Variants in TMEM71 observed in about 807,000 individuals in gnomAD.
TMEM71 encodes the protein transmembrane protein 71.
TMEM71 carries 44 observed loss-of-function variants against 38.0 expected under a neutral mutation model. The observed-to-expected ratio is 1.16, with a 90% CI of 0.91 to 1.49. The LOEUF (loss-of-function observed/expected upper bound fraction) is 1.49, where lower values mean the gene tolerates loss of function less well. Ranked by LOEUF, TMEM71 falls within the 40% of genes most tolerant of loss-of-function variation. The pLI, the probability that TMEM71 is intolerant of heterozygous loss-of-function variation, is 0.00. For missense variants in TMEM71, 367 were observed against 348.6 expected, an observed-to-expected ratio of 1.05 and a Z score of -0.42; for synonymous variants, 133 against 122.5, an observed-to-expected ratio of 1.09 and a Z score of -0.56.
In TMEM71 at chr8:132,710,766, T is replaced by C. The variant is rs1370549567; in HGVS notation, c.*201A>G. 1.7e-6 allele frequency: 1 copy of C among 596,174 alleles called. No homozygotes were observed. Among genetic ancestry groups the C allele is most frequent in the Non-Finnish European group, 3.0e-6 (1 of 335,242 alleles). The allele number at this position is 596,174 out of a possible 1,614,324, so 36.9% of individuals were successfully genotyped here. The stretch of plus-strand genomic sequence containing the variant: ...TGTTTGCAAAGGGAAGGCAAATTAA[T>C]ATTATTTTCATGAGCATATTATAAT... On this transcript the variant is annotated 3_prime_UTR_variant, in exon 10 of 10. Coordinates refer to ENST00000677595, the MANE Select transcript of TMEM71 (RefSeq NM_001382403.1).
At chr8:132,708,552 G>T (rs184118694), downstream of TMEM71, among the ~76,000 whole-genome samples, 2 of 152,304 alleles carry the variant, frequency 1.3e-5, no homozygotes, top group African/African-American at 4.8e-5. Flanking sequence ...CCTCTGCAAG[G>T]TTGTAAAGAA....
the TMEM71 span, chr8:132,775,376 C>T: frequency 2.2e-5 from 8 of 366,040 alleles, no homozygotes; most frequent in African/African-American, 4.3e-5. Flanking sequence ...CGCCGGGGCC[C>T]GGCGTCGCGT....
chr8:132,764,041 T>C (rs1437332360), upstream of TMEM71, among the ~76,000 whole-genome samples: 6 of 152,182 alleles, frequency 3.9e-5, no homozygotes, highest in Non-Finnish European at 8.8e-5. Context: ...TCCCATTAGA[T>C]GGCAATATCT....
chr8:132,771,234 C>CA, the TMEM71 span, among the ~76,000 whole-genome samples: 1 of 152,120 alleles, frequency 6.6e-6, no homozygotes, highest in Non-Finnish European at 1.5e-5. Flanking sequence ...CTGGAACTGT[C>CA]CAGGATCCAC....
intron 5 of TMEM71, among the ~76,000 whole-genome samples, chr8:132,738,192 G>T (rs1459758404): frequency 6.6e-6 from 1 of 152,136 alleles, no homozygotes; most frequent in Non-Finnish European, 1.5e-5. Context: ...GATCAGAGAG[G>T]TTAGTTAATA....
intron 3 of TMEM71, among the ~76,000 whole-genome samples, chr8:132,752,775 A>T (rs1403441502): frequency 3.3e-5 from 5 of 151,030 alleles, no homozygotes; most frequent in African/African-American, 7.3e-5. Flanking sequence ...AGAGAGAAAA[A>T]AAAAAGGGAG....
chr8:132,730,124 A>G (rs1019601252), intron 5 of TMEM71, among the ~76,000 whole-genome samples: 1 of 152,002 alleles, frequency 6.6e-6, no homozygotes. Context: ...ATGCCCAGCT[A>G]ATTTTGTATT....
At chr8:132,775,689 GCCGGGCCGC>G in the TMEM71 span, 6 of 326,516 alleles carry the variant, frequency 1.8e-5, no homozygotes, top group Non-Finnish European at 3.3e-5. Context: ...CCTGGCCCCC[GCCGGGCCGC>G]CCGGGACGCC....
the TMEM71 span, among the ~76,000 whole-genome samples, chr8:132,767,714 A>G: frequency 6.6e-6 from 1 of 152,170 alleles, no homozygotes; most frequent in African/African-American, 2.4e-5. Flanking sequence ...TGACCTCATG[A>G]TCTGCCCGCC....
intron 6 of TMEM71, among the ~76,000 whole-genome samples, chr8:132,725,272 C>T (rs1827079967): frequency 6.6e-6 from 1 of 152,152 alleles, no homozygotes; most frequent in Admixed American, 6.5e-5. Context: ...TCAAACGATC[C>T]TGTCACCTCA....
In TMEM71 at chr8:132,747,937, A is replaced by C. The variant is rs920720702; in HGVS notation, c.315-823T>G. On this transcript the variant is annotated intron_variant, in intron 4 of 9. Coordinates refer to ENST00000677595, the MANE Select transcript of TMEM71 (RefSeq NM_001382403.1). The stretch of plus-strand genomic sequence containing the variant: ...TTAGTGATGACATAATTCGGTTTGC[A>C]TTTCCAAAATTGTTGGTAGCAGAGG... 2.6e-5 allele frequency among the ~76,000 whole-genome samples: 4 copies of C among 152,340 alleles called. No individual in the cohort carries two copies. In the South Asian group the frequency reaches 6.2e-4, roughly 24 times the overall value.
At chr8:132,724,984 A>G (rs1213789803) in intron 6 of TMEM71, among the ~76,000 whole-genome samples, 1 of 152,016 alleles carries the variant, frequency 6.6e-6, no homozygotes, top group East Asian at 1.9e-4. Flanking sequence ...GTAGGCACAG[A>G]GCCACCAGGA....
At chr8:132,728,013 A>AGG (rs766182229) in intron 5 of TMEM71, 27 bp from the exon 6 acceptor site, 1 of 1,015,870 alleles carries the variant, frequency 9.8e-7, no homozygotes, top group South Asian at 1.7e-5. Context: ...GTTCAGTGTG[A>AGG]GTGTGTGTGT....
chr8:132,744,809 A>G (rs117968726), intron 5 of TMEM71, among the ~76,000 whole-genome samples: 1,589 of 152,340 alleles, frequency 0.01, 41 homozygotes, highest in East Asian at 0.088. Context: ...CCAAAACAGC[A>G]TGGTACTGGT....
chr8:132,745,552 A>G (rs1345504742), intron 5 of TMEM71, among the ~76,000 whole-genome samples: 1 of 152,204 alleles, frequency 6.6e-6, no homozygotes, highest in Non-Finnish European at 1.5e-5. Context: ...TGCAGAGAAA[A>G]GGGAATGCTT....
At chr8:132,715,865 G>A (rs990606177) in intron 7 of TMEM71, among the ~76,000 whole-genome samples, 7 of 152,188 alleles carry the variant, frequency 4.6e-5, no homozygotes, top group African/African-American at 7.2e-5. Context: ...AAAATATTCC[G>A]TGAGAGAAAT....
intron 5 of TMEM71, among the ~76,000 whole-genome samples, chr8:132,745,304 T>C (rs567787210): frequency 6.6e-6 from 1 of 152,244 alleles, no homozygotes; most frequent in East Asian, 1.9e-4. Context: ...ATGTAGAACC[T>C]ATAAGGAGTT....
chr8:132,774,170 A>G, the TMEM71 span, among the ~76,000 whole-genome samples: 2 of 152,238 alleles, frequency 1.3e-5, no homozygotes, highest in African/African-American at 2.4e-5. Context: ...GGAGGGTGGA[A>G]AGTATAATCC....
At chr8:132,768,513 T>A in the TMEM71 span, among the ~76,000 whole-genome samples, 1 of 152,154 alleles carries the variant, frequency 6.6e-6, no homozygotes. Flanking sequence ...TGTATATCCC[T>A]ACTGTTTGCT....
Sources: allele counts gnomAD v4.1 joint callset (sites outside exome capture counted in the v4.1 genomes callset), GRCh38; gene constraint gnomAD v4.1.1; transcripts MANE v1.5; gene names NCBI Gene and HGNC (gene_info 2026-07-23, HGNC 2026-07-21).